TCF20: variants seen among roughly 807,000 people sequenced by gnomAD.
TCF20 encodes the protein SPRE-binding protein.
A neutral mutation model predicts 148.6 loss-of-function variants in TCF20; 3 were observed. The ratio of observed to expected loss-of-function variants is 0.02; its 90% CI spans 0.01 to 0.05. The LOEUF is 0.05. TCF20 is among the 10% of genes least tolerant of loss of function. The probability of loss-of-function intolerance (pLI) is 1.00; values close to 1 mark genes in which losing one functional copy is unlikely to be tolerated. For synonymous variants in TCF20, 1,049 were observed against 909.5 expected (o/e 1.15, Z -2.76); for missense variants, 2,350 against 2,429.3 (o/e 0.97, Z 0.69).
chr22:42,325,459 T>G (rs1036279419), intron 1 of TCF20, among the ~76,000 whole-genome samples: 1 of 152,164 alleles, frequency 6.6e-6, no homozygotes, highest in African/African-American at 2.4e-5. Context: ...CAGTAAACCC[T>G]GATTTCCTCC....
chr22:42,232,761 T>C (rs1374397785), intron 1 of TCF20, among the ~76,000 whole-genome samples: 1 of 145,810 alleles, frequency 6.9e-6, no homozygotes, highest in African/African-American at 2.5e-5. Flanking sequence ...ATCGTGCCAC[T>C]GCGCTCCAGC....
chr22:42,266,074 TTTAAAA>T (rs1926271325), intron 1 of TCF20, among the ~76,000 whole-genome samples: 1 of 132,212 alleles, frequency 7.6e-6, no homozygotes. Context: ...TCATCATAGC[TTTAAAA>T]TTAAAAAAAA....
intron 1 of TCF20, among the ~76,000 whole-genome samples, chr22:42,229,227 G>A (rs1479852705): frequency 6.6e-6 from 1 of 152,192 alleles, no homozygotes; most frequent in Non-Finnish European, 1.5e-5. Context: ...TATGATCACA[G>A]CAGAGATGTC....
At chr22:42,332,744 A>G (rs1927998473) in intron 1 of TCF20, among the ~76,000 whole-genome samples, 2 of 152,246 alleles carry the variant, frequency 1.3e-5, no homozygotes, top group African/African-American at 4.8e-5. Flanking sequence ...CTGGGATTAC[A>G]GGCATGAGCC....
At chr22:42,222,320 T>C (rs1922453177) in intron 1 of TCF20, among the ~76,000 whole-genome samples, 2 of 151,828 alleles carry the variant, frequency 1.3e-5, no homozygotes, top group Admixed American at 1.3e-4. Context: ...ACTTTGACTC[T>C]GTATTTACCA....
intron 1 of TCF20, among the ~76,000 whole-genome samples, chr22:42,280,793 C>T (rs1363293089): frequency 6.6e-6 from 1 of 152,168 alleles, no homozygotes; most frequent in African/African-American, 2.4e-5. Context: ...TTATTCAGTG[C>T]CCCCTGGGAG....
Position 42,211,883 on chromosome 22 carries a change from A to G in TCF20, c.3423T>C (p.Asp1141=), listed in dbSNP as rs548375085. 1.7e-5 allele frequency: 27 copies of G among 1,614,014 alleles called. No individual in the cohort carries two copies. In the South Asian group the frequency reaches 2.2e-4, roughly 13 times the overall value. Residue 1141 remains aspartate (D), a synonymous_variant, in exon 2 of 6, where the codon GAT becomes GAC. Transcript: ENST00000677622. Reference sequence around the variant, plus strand: ...CCACTGGTGGGCCATACATCATACCATCTTTGTCATTTTTCAGAGGGCTCC... The same window carrying G: ...CCACTGGTGGGCCATACATCATACCGTCTTTGTCATTTTTCAGAGGGCTCC... ...RVRSPLKNDK[D]GMMYGPPVGT...
chr22:42,335,787 C>A (rs754347388), intron 1 of TCF20, among the ~76,000 whole-genome samples: 1 of 152,056 alleles, frequency 6.6e-6, no homozygotes, highest in Admixed American at 6.5e-5. Flanking sequence ...AAGGGGGTGA[C>A]AGGGAGCCCT....
At chr22:42,185,457 CA>C (rs1936999912) in intron 2 of TCF20, among the ~76,000 whole-genome samples, 1 of 152,286 alleles carries the variant, frequency 6.6e-6, no homozygotes, top group South Asian at 2.1e-4. Context: ...CAATGAGTTA[CA>C]AAACTGATGC....
Position 42,211,523 on chromosome 22 carries a change from G to C in TCF20, c.3783C>G (p.Ile1261Met). 1 of 1,614,192 alleles carries C rather than the reference G, an allele frequency of 6.2e-7. No homozygotes were observed. Among genetic ancestry groups the C allele is most frequent in the Non-Finnish European group, 8.5e-7 (1 of 1,180,038 alleles). ...ACTGTCTCTTACTGGGAATGGGAGA[G>C]ATAAAAGAACGAACACGCCTCCTCA... is the stretch of plus-strand genomic sequence containing the variant. ...LIMRRRVRSF[I>M]SPIPSKRQSQ... Residue 1261 changes from isoleucine to methionine, a missense_variant, in exon 2 of 6, where the codon ATC becomes ATG. Coordinates refer to ENST00000677622, the MANE Select transcript of TCF20 (RefSeq NM_001378418.1).
chr22:42,306,032 G>A (rs569314009), intron 1 of TCF20, among the ~76,000 whole-genome samples: 1 of 152,342 alleles, frequency 6.6e-6, no homozygotes, highest in South Asian at 2.1e-4. Context: ...CAGATCTGGT[G>A]AGGCTTGGTG....
rs183988591 is a variant in TCF20, at chr22:42,226,886, T to C, written c.-36-11545A>G. On this transcript the variant is annotated intron_variant, in intron 1 of 5. Transcript: ENST00000677622. ...AAACAAACTAGCAGAACAAATGGTA[T>C]AGCTAGATAAAAAGGGCTAGTATTG... 2.6e-5 allele frequency among the ~76,000 whole-genome samples: 4 copies of C among 152,248 alleles called. No individual in the cohort carries two copies. The South Asian group carries it at 6.2e-4, about 24-fold the overall frequency.
upstream of TCF20, among the ~76,000 whole-genome samples, chr22:42,271,217 G>T (rs1251086066): frequency 1.3e-5 from 2 of 152,236 alleles, no homozygotes; most frequent in African/African-American, 4.8e-5. Context: ...TGGGTTCCAG[G>T]TGTCCGTGGA....
upstream of TCF20, among the ~76,000 whole-genome samples, chr22:42,287,984 A>T (rs1349288902): frequency 6.6e-6 from 1 of 152,244 alleles, no homozygotes; most frequent in Non-Finnish European, 1.5e-5. Context: ...TCACCAGAAG[A>T]GCTTTCGGCA....
intron 1 of TCF20, among the ~76,000 whole-genome samples, chr22:42,248,313 T>C (rs570455757): frequency 1.3e-5 from 2 of 152,290 alleles, no homozygotes; most frequent in Non-Finnish European, 2.9e-5. Flanking sequence ...CCACATAGAG[T>C]TGCATGCCAG....
At chr22:42,202,035 T>TC (rs893357941) in intron 2 of TCF20, among the ~76,000 whole-genome samples, 2 of 151,966 alleles carry the variant, frequency 1.3e-5, no homozygotes, top group African/African-American at 4.8e-5. Context: ...CTGCCACCCT[T>TC]CCCCCCGCAG....
chr22:42,191,962 G>C (rs1201919587), intron 2 of TCF20, among the ~76,000 whole-genome samples: 2 of 152,216 alleles, frequency 1.3e-5, no homozygotes, highest in Admixed American at 1.3e-4. Flanking sequence ...CACTGAAATT[G>C]AAGTTGCACA....
At chr22:42,231,078 C>T (rs1049489022) in intron 1 of TCF20, among the ~76,000 whole-genome samples, 1 of 152,184 alleles carries the variant, frequency 6.6e-6, no homozygotes, top group Non-Finnish European at 1.5e-5. Flanking sequence ...AGGAGAATCG[C>T]TTGAACTCGC....
chr22:42,239,049 C>G (rs1317645219), intron 1 of TCF20, among the ~76,000 whole-genome samples: 1 of 151,540 alleles, frequency 6.6e-6, no homozygotes, highest in African/African-American at 2.4e-5. Context: ...ACGCGGCAGG[C>G]AGAGCTTGCA....
Sources: gnomAD v4.1 joint callset for allele counts (sites outside exome capture counted in the v4.1 genomes callset) on GRCh38, gnomAD v4.1.1 for gene constraint, MANE v1.5 for transcripts, NCBI Gene and HGNC (gene_info 2026-07-23, HGNC 2026-07-21) for gene names.